ZFP64: variants seen among roughly 807,000 people sequenced by gnomAD.
ZFP64 encodes zinc finger protein 64.
In ZFP64, 14 loss-of-function variants were observed where a neutral mutation model predicts 51.6. The observed-to-expected ratio is 0.27, with a 90% CI of 0.18 to 0.42. The LOEUF is 0.42. Among genes scored for constraint, ZFP64 ranks in the 10% least tolerant of loss-of-function variants. The pLI is 1.00. For synonymous variants in ZFP64, 375 were observed against 361.4 expected (o/e 1.04, Z -0.43); for missense variants, 754 against 906.8 (o/e 0.83, Z 2.16).
At chr20:52,183,255 G>T (rs183715904) in intron 2 of ZFP64, among the ~76,000 whole-genome samples, 1 of 152,270 alleles carries the variant, frequency 6.6e-6, no homozygotes, top group East Asian at 1.9e-4. Context: ...AGGTGGGAAA[G>T]GTATTTCAGG....
chr20:52,117,828 T>C (rs2180366), intron 5 of ZFP64: 171,871 of 385,234 alleles, frequency 0.45, 41,286 homozygotes, highest in Admixed American at 0.55. Flanking sequence ...CCTCTGCTTG[T>C]TCTGTCACTC....
chr20:52,119,455 C>T lies in ZFP64; in HGVS notation c.764-20868G>A, dbSNP rs188458944. On this transcript the variant is annotated intron_variant, in intron 5 of 8. Coordinates refer to the ZFP64 transcript ENST00000361387. The stretch of plus-strand genomic sequence containing the variant: ...AGGAGAATCGCTTGAACCCAGGAGG[C>T]GGAGGTTGCAGTCAGCCAAGACTGT... 4.2e-4 allele frequency among the ~76,000 whole-genome samples: 62 copies of T among 148,942 alleles called. No individual in the cohort carries two copies. In the Middle Eastern group the frequency reaches 0.011, roughly 25 times the overall value.
intron 2 of ZFP64, among the ~76,000 whole-genome samples, chr20:52,184,628 C>T (rs181537249): frequency 0.042 from 5,644 of 135,322 alleles, 149 homozygotes; most frequent in Middle Eastern, 0.074. Context: ...TTAAATCCCT[C>T]TTTTTTATTT....
At chr20:52,101,568 A>G (rs2122770015) in intron 5 of ZFP64, among the ~76,000 whole-genome samples, 1 of 151,726 alleles carries the variant, frequency 6.6e-6, no homozygotes, top group Non-Finnish European at 1.5e-5. Context: ...GTAGTTTTGT[A>G]TTTTTTGTAG....
Position 52,088,404 on chromosome 20 carries a change from G to A in ZFP64, c.1216C>T (p.Arg406Ter), listed in dbSNP as rs763965506. 5.0e-6 allele frequency: 8 copies of A among 1,609,542 alleles called. No homozygotes were observed. Among genetic ancestry groups the A allele is most frequent in the Non-Finnish European group, 6.8e-6 (8 of 1,178,408 alleles). Residue 406 changes from arginine (R) to a stop codon, truncating the protein, a stop_gained, in exon 8 of 9, where the codon CGA becomes TGA. Transcript: ENST00000361387. LOFTEE classifies it high-confidence loss of function. ...GTCAGGGACTCACCCGTGTGAGATC[G>A]CAGGTGGACGGTGAGCTGGCTGGAG...
Position 52,160,208 on chromosome 20 carries a change from C to T in ZFP64, c.678G>A (p.Ser226=), listed in dbSNP as rs771708742. 16 of 1,613,988 alleles carry T rather than the reference C, an allele frequency of 9.9e-6. No homozygotes were observed. Among genetic ancestry groups the T allele is most frequent in the East Asian group, 8.9e-5 (4 of 44,882 alleles). ...TCTGGCATTTGAAGGGCCGCTCGTC[C>T]GAGTGGATCCTCAGGTGCTTGTTGA... is the stretch of plus-strand genomic sequence containing the variant. The part of the protein sequence containing the change: ...SSLNKHLRIH[S]DERPFKCQIC... The change falls in exon 5 of 6, where the codon TCG becomes TCA. Residue 226 remains serine, a synonymous_variant. Transcript: ENST00000216923. The surrounding 1 kb of genome is among the most constrained non-coding windows in gnomAD (Gnocchi z 4.2).
At position 52,152,514 on chromosome 20, in the gene ZFP64, C is replaced by T. The variant is rs747245391; in HGVS notation, c.1678G>A (p.Glu560Lys). The T allele has an allele frequency of 3.7e-6, 6 of 1,604,734 alleles. No homozygotes were observed. Among genetic ancestry groups the T allele is most frequent in the Admixed American group, 3.3e-5 (2 of 59,788 alleles). The part of the protein sequence containing the change: ...APPQSSRCPS[E>K]AGAMTQPAVL... ...GCCGGCTGGGTCATTGCGCCCGCCTCGCTCGGACACCGCGAGGACTGAGGG... is the reference window on the plus strand; with the variant it reads ...GCCGGCTGGGTCATTGCGCCCGCCTTGCTCGGACACCGCGAGGACTGAGGG... The change falls in exon 6 of 6, where the codon GAG (glutamate) becomes AAG (lysine). Residue 560 changes from glutamate to lysine, a missense_variant. This residue lies in a region of ZFP64 where 428 missense variants were observed against 472.4 expected (regional missense o/e 0.91). Transcript: ENST00000216923.
At chr20:52,178,245 G>A (rs951625180) in intron 2 of ZFP64, among the ~76,000 whole-genome samples, 1 of 151,968 alleles carries the variant, frequency 6.6e-6, no homozygotes, top group Non-Finnish European at 1.5e-5. Flanking sequence ...ATCGCAATGA[G>A]GAATTTACTA....
intron 2 of ZFP64, among the ~76,000 whole-genome samples, chr20:52,166,461 T>C (rs1373475850): frequency 3.3e-5 from 5 of 151,936 alleles, no homozygotes; most frequent in Non-Finnish European, 5.9e-5. Context: ...CTTTTTTCTT[T>C]TTTTTTTTTC....
chr20:52,165,184 T>G, intron 3 of ZFP64: 1 of 457,936 alleles, frequency 2.2e-6, no homozygotes, highest in Non-Finnish European at 4.4e-6. Context: ...AGAAAGGACA[T>G]CGGTGGGACA....
In ZFP64 at chr20:52,191,543, G is replaced by C. The variant is rs1248623519; in HGVS notation, c.46+48C>G. 2.0e-6 allele frequency: 3 copies of C among 1,512,664 alleles called. No homozygotes were observed. Among genetic ancestry groups the C allele is most frequent in the Non-Finnish European group, 2.6e-6 (3 of 1,133,906 alleles). 93.7% of individuals were successfully genotyped at this position (1,512,664 alleles called of 1,614,324 possible). A position where few individuals can be genotyped will look rare whatever the true frequency, so the allele number is the denominator to read the frequency against. On this transcript the variant is annotated intron_variant, in intron 1 of 5. Coordinates refer to ENST00000216923, the MANE Select transcript of ZFP64 (RefSeq NM_018197.3). This position sits in a 1 kb window ranked among gnomAD's most constrained non-coding sequence, Gnocchi z 4.3. ...GACGTGCTTGGGCCCGGGCCCCGGA[G>C]CGCGCACTGGGCCCCGGAGCGCGCA...
intron 4 of ZFP64, among the ~76,000 whole-genome samples, chr20:52,163,347 G>T (rs1022976078): frequency 6.6e-6 from 1 of 152,082 alleles, no homozygotes; most frequent in African/African-American, 2.4e-5. Context: ...GGCAACAAGA[G>T]CGAAACTCCG....
chr20:52,121,773 C>T (rs913613139), intron 5 of ZFP64, among the ~76,000 whole-genome samples: 2 of 152,158 alleles, frequency 1.3e-5, no homozygotes, highest in East Asian at 3.9e-4. Context: ...GAGGAAGATG[C>T]CATTTAGGAC....
chr20:52,111,240 C>CT (rs1195309867), intron 5 of ZFP64, among the ~76,000 whole-genome samples: 2 of 124,074 alleles, frequency 1.6e-5, no homozygotes, highest in African/African-American at 6.3e-5. Flanking sequence ...GAGTTTCGCT[C>CT]TGAGTTTTGC....
At chr20:52,177,359 G>C (rs539710646) in intron 2 of ZFP64, among the ~76,000 whole-genome samples, 1 of 152,140 alleles carries the variant, frequency 6.6e-6, no homozygotes, top group Admixed American at 6.6e-5. Flanking sequence ...GGTTCCACTG[G>C]TAGGCCCCTT....
At chr20:52,127,002 A>C (rs1979477901) in intron 5 of ZFP64, among the ~76,000 whole-genome samples, 1 of 149,584 alleles carries the variant, frequency 6.7e-6, no homozygotes, top group Non-Finnish European at 1.5e-5. Context: ...ACTAGGCTGG[A>C]GTGCAGTGGT....
Position 52,084,850 on chromosome 20 carries a change from C to A in ZFP64, c.1645G>T (p.Glu549Ter). The A allele has an allele frequency of 1.2e-6, 2 of 1,614,026 alleles. No individual in the cohort carries two copies. The highest frequency in any genetic ancestry group is 8.5e-7 in the Non-Finnish European group (1 of 1,180,044). Reference sequence around the variant, plus strand: ...GGGGCCCGGTTCTCCGTCTTGGCCTCGTCCCTGTGCACCTTGTCGACGTGC... The same window carrying A: ...GGGGCCCGGTTCTCCGTCTTGGCCTAGTCCCTGTGCACCTTGTCGACGTGC... Residue 549 changes from glutamate (E) to a stop codon, truncating the protein, a stop_gained, in exon 9 of 9, where the codon GAG becomes TAG. Transcript: ENST00000361387. LOFTEE classifies it low-confidence loss of function (END_TRUNC).
At chr20:52,119,534 A>ATATATATG (rs1979059954) in intron 5 of ZFP64, among the ~76,000 whole-genome samples, 2 of 41,820 alleles carry the variant, frequency 4.8e-5, no homozygotes, top group Admixed American at 4.5e-4. Context: ...AAAAAAAAAA[A>ATATATATG]TATATATATA....
chr20:52,161,628 G>A (rs966362843), intron 4 of ZFP64, among the ~76,000 whole-genome samples: 1 of 151,856 alleles, frequency 6.6e-6, no homozygotes, highest in Non-Finnish European at 1.5e-5. Context: ...TTCCTTACTT[G>A]GCCATGAAAA....
Sources: gnomAD v4.1 joint callset for allele counts (sites outside exome capture counted in the v4.1 genomes callset) on GRCh38, gnomAD v4.1.1 for gene constraint, gnomAD v4.1.1 regional missense constraint, Gnocchi (gnomAD v3.1) non-coding constraint, MANE v1.5 for transcripts, NCBI Gene and HGNC (gene_info 2026-07-23, HGNC 2026-07-21) for gene names.